GPC6: variants seen among roughly 807,000 people sequenced by gnomAD.
GPC6 encodes the protein glypican-6.
Under a neutral mutation model 55.2 loss-of-function variants are expected in GPC6, and 14 were observed. The observed-to-expected ratio is 0.25, with a 90% CI of 0.17 to 0.40. The LOEUF (loss-of-function observed/expected upper bound fraction) is 0.40, where lower values mean the gene tolerates loss of function less well. Among genes scored for constraint, GPC6 ranks in the 10% least tolerant of loss-of-function variants. GPC6 has a pLI of 1.00. For missense variants in GPC6, 641 were observed against 708.5 expected, an observed-to-expected ratio of 0.90 and a Z score of 1.08; for synonymous variants, 278 against 259.6, an observed-to-expected ratio of 1.07 and a Z score of -0.68.
At chr13:93,942,618 G>A (rs1273364833) in intron 3 of GPC6, among the ~76,000 whole-genome samples, 1 of 152,064 alleles carries the variant, frequency 6.6e-6, no homozygotes, top group East Asian at 1.9e-4. Context: ...CAGTGCACCC[G>A]GCCCACAGTG....
chr13:93,329,842 CA>C (rs34309783), intron 1 of GPC6, among the ~76,000 whole-genome samples: 12,202 of 143,420 alleles, frequency 0.085, 573 homozygotes, highest in East Asian at 0.13. Context: ...ACAACAATAA[CA>C]AAAAAAAAAC....
rs1566741776 is a variant in GPC6, at chr13:94,382,497, G to A, written c.1236G>A (p.Val412=). The part of the protein sequence containing the change: ...LPYTICKDES[V]TAGTSNEEEC... The stretch of plus-strand genomic sequence containing the variant: ...ACACTATCTGCAAGGACGAGAGCGT[G>A]ACAGCGGGCACGTCCAACGAGGAGG... Residue 412 remains valine, a synonymous_variant, in exon 7 of 9, where the codon GTG becomes GTA. Transcript: ENST00000377047. The A allele has an allele frequency of 6.2e-7, 1 of 1,614,210 alleles. No homozygotes were observed. The highest frequency in any genetic ancestry group is 1.3e-5 in the African/African-American group (1 of 75,058).
At position 94,392,755 on chromosome 13, in the gene GPC6, A is replaced by C. The variant is rs1033939085; in HGVS notation, c.1290-5711A>C. Among the ~76,000 whole-genome samples, 150 of 16,180 alleles carry C rather than the reference A, an allele frequency of 9.3e-3. 1 individual carries two copies. Among genetic ancestry groups the C allele is most frequent in the Non-Finnish European group, 0.015 (130 of 8,962 alleles). The allele number at this position is 16,180 out of a possible 152,430, so 10.6% of individuals were successfully genotyped here. On this transcript the variant is annotated intron_variant, in intron 7 of 8. Coordinates refer to ENST00000377047, the MANE Select transcript of GPC6 (RefSeq NM_005708.5). ...AGGCTGGTCTCGAACTCTCGACCTC[A>C]GGTGATCCACCCTCTTGGTCAGGCT...
rs930398276 is a variant in GPC6 at position 93,654,388 on chromosome 13, C to T, written c.319+108967C>T. On this transcript the variant is annotated intron_variant, in intron 2 of 8. Coordinates refer to ENST00000377047, the MANE Select transcript of GPC6 (RefSeq NM_005708.5). ...TGTTGCCCAGGCTGGAGTGCAGTGG[C>T]GTGATCTCAGCTCACTGCAACCTCT... is the stretch of plus-strand genomic sequence containing the variant. Among the ~76,000 whole-genome samples the T allele has an allele frequency of 4.6e-5, 7 of 152,006 alleles. No homozygotes were observed. The South Asian group carries it at 8.3e-4, about 18-fold the overall frequency.
intron 1 of GPC6, among the ~76,000 whole-genome samples, chr13:93,271,647 ATTTAC>A (rs1333291923): frequency 1.3e-5 from 2 of 152,180 alleles, no homozygotes; most frequent in African/African-American, 2.4e-5. Flanking sequence ...TGGTTTAAAT[ATTTAC>A]TTTACTCAGC....
At chr13:93,593,173 C>T (rs1877567180) in intron 2 of GPC6, among the ~76,000 whole-genome samples, 1 of 151,946 alleles carries the variant, frequency 6.6e-6, no homozygotes, top group Non-Finnish European at 1.5e-5. Context: ...AATAGTTAAA[C>T]ATTTTAGTTT....
rs968221822 is a variant in GPC6, at chr13:93,561,404, G to GAGATATATATATATATATAT, written c.319+15984_319+15985insGATATATATATATATATATA. 7.8e-4 allele frequency among the ~76,000 whole-genome samples: 82 copies of GAGATATATATATATATATAT among 104,678 alleles called. 4 individuals are homozygous for GAGATATATATATATATATAT. Among genetic ancestry groups the GAGATATATATATATATATAT allele is most frequent in the African/African-American group, 3.2e-3 (77 of 24,106 alleles). 68.7% of individuals were successfully genotyped at this position (104,678 alleles called of 152,430 possible). A position where few individuals can be genotyped will look rare whatever the true frequency, so the allele number is the denominator to read the frequency against. On this transcript the variant is annotated intron_variant, in intron 2 of 8. Coordinates refer to ENST00000377047, the MANE Select transcript of GPC6 (RefSeq NM_005708.5). ...AATAATTGCATACTATATCCCTATC[G>GAGATATATATATATATATAT]ATATATATATATATATATATATTTG...
intron 8 of GPC6, among the ~76,000 whole-genome samples, chr13:94,400,912 C>G (rs73553858): frequency 6.6e-6 from 1 of 152,242 alleles, no homozygotes; most frequent in East Asian, 1.9e-4. Flanking sequence ...GGTGAGGAAA[C>G]GGAGCCTCAG....
chr13:94,256,971 T>A (rs1891526200), intron 4 of GPC6, among the ~76,000 whole-genome samples: 1 of 152,200 alleles, frequency 6.6e-6, no homozygotes, highest in Non-Finnish European at 1.5e-5. Context: ...TTCTGTTGAG[T>A]CTGCAAGTTA....
At position 93,726,103 on chromosome 13, in the gene GPC6, T is replaced by TACACACACACACACAC. The variant is rs71811304; in HGVS notation, c.320-104017_320-104002dup. On this transcript the variant is annotated intron_variant, in intron 2 of 8. Transcript: ENST00000377047. ...TGCAAAATAAAGACTTTTTCCTTCA[T>TACACACACACACACAC]ACACACACACACACACACACACACA... Among the ~76,000 whole-genome samples the TACACACACACACACAC allele has an allele frequency of 6.5e-3, 830 of 126,832 alleles. 8 individuals are homozygous for TACACACACACACACAC. Among genetic ancestry groups the TACACACACACACACAC allele is most frequent in the Non-Finnish European group, 9.8e-3 (587 of 59,632 alleles). The allele number at this position is 126,832 out of a possible 152,430, so 83.2% of individuals were successfully genotyped here.
chr13:93,256,207 C>T (rs1019195095), intron 1 of GPC6, among the ~76,000 whole-genome samples: 1 of 149,278 alleles, frequency 6.7e-6, no homozygotes, highest in South Asian at 2.1e-4. Context: ...TACATGAAAC[C>T]TAATTTGCTA....
intron 4 of GPC6, among the ~76,000 whole-genome samples, chr13:94,056,818 C>T (rs1428965076): frequency 1.3e-5 from 2 of 152,150 alleles, no homozygotes; most frequent in Admixed American, 1.3e-4. Flanking sequence ...GCATGTCTTC[C>T]AAATCAGCAA....
intron 5 of GPC6, among the ~76,000 whole-genome samples, chr13:94,300,824 C>T (rs1227549315): frequency 1.3e-5 from 2 of 152,142 alleles, no homozygotes; most frequent in African/African-American, 4.8e-5. Flanking sequence ...TATCCTGCAG[C>T]GATAACCTCT....
At chr13:94,265,950 C>G (rs924594580) in intron 4 of GPC6, among the ~76,000 whole-genome samples, 3 of 152,154 alleles carry the variant, frequency 2.0e-5, no homozygotes, top group Non-Finnish European at 2.9e-5. Context: ...AATAGTCACT[C>G]CTTTTCATCA....
chr13:94,350,074 T>TG (rs1158950320), intron 6 of GPC6, among the ~76,000 whole-genome samples: 4 of 151,002 alleles, frequency 2.6e-5, no homozygotes, highest in African/African-American at 9.8e-5. Context: ...ATATATATCT[T>TG]TTGTGTGTGT....
intron 2 of GPC6, among the ~76,000 whole-genome samples, chr13:93,649,873 G>A (rs1447614871): frequency 5.9e-5 from 9 of 152,116 alleles, no homozygotes; most frequent in Non-Finnish European, 1.2e-4. Context: ...AAGGTCTTTT[G>A]TAAATTTATT....
At position 93,414,446 on chromosome 13, in the gene GPC6, T is replaced by A. The variant is rs1876620581; in HGVS notation, c.161-130817T>A. On this transcript the variant is annotated intron_variant, in intron 1 of 8. Coordinates refer to ENST00000377047, the MANE Select transcript of GPC6 (RefSeq NM_005708.5). ...CTTTCTTACTCCGGGACTGCAAAAT[T>A]GCACAAATTCAGCAATACGATCGTC... Among the ~76,000 whole-genome samples, 3 of 152,196 alleles carry A rather than the reference T, an allele frequency of 2.0e-5. No homozygotes were observed. In the South Asian group the frequency reaches 6.2e-4, roughly 32 times the overall value.
chr13:94,355,538 A>G (rs761022038), intron 6 of GPC6, among the ~76,000 whole-genome samples: 9 of 152,334 alleles, frequency 5.9e-5, no homozygotes, highest in East Asian at 1.9e-4. Context: ...TCAAGGGAAA[A>G]GTGTGAGACT....
intron 3 of GPC6, among the ~76,000 whole-genome samples, chr13:93,846,668 G>A (rs149576166): frequency 6.6e-6 from 1 of 152,210 alleles, no homozygotes; most frequent in African/African-American, 2.4e-5. Flanking sequence ...AAAAAAATTA[G>A]CCAGGCATGA....
Sources: gnomAD v4.1 joint callset for allele counts (sites outside exome capture counted in the v4.1 genomes callset) on GRCh38, gnomAD v4.1.1 for gene constraint, MANE v1.5 for transcripts, NCBI Gene and HGNC (gene_info 2026-07-23, HGNC 2026-07-21) for gene names.